The following BICDL1 variants were observed in gnomAD, a reference collection of about 807,000 sequenced individuals.
The protein encoded by BICDL1 is BICD family like cargo adaptor 1, also known as BICD family-like cargo adapter 1.
Under a neutral mutation model 76.8 loss-of-function variants are expected in BICDL1, and 20 were observed. The ratio of observed to expected loss-of-function variants is 0.26; its 90% CI spans 0.18 to 0.38. BICDL1 has a LOEUF of 0.38. Among genes scored for constraint, BICDL1 ranks in the 10% least tolerant of loss-of-function variants. The pLI is 1.00. For synonymous variants in BICDL1, 383 were observed against 337.1 expected, an observed-to-expected ratio of 1.14 and a Z score of -1.49; for missense variants, 700 against 798.6, an observed-to-expected ratio of 0.88 and a Z score of 1.49.
At chr12:120,001,976 G>A (rs1335060727) in intron 2 of BICDL1, among the ~76,000 whole-genome samples, 1 of 152,160 alleles carries the variant, frequency 6.6e-6, no homozygotes, top group Admixed American at 6.5e-5. Flanking sequence ...AAGCTGCAAT[G>A]AGCTATGATC....
Position 120,071,691 on chromosome 12 carries a change from G to A in BICDL1, c.979G>A (p.Glu327Lys), listed in dbSNP as rs753376022. ...SCRQLQVKVE[E>K]LTEERSLQSS... ...CCGACAGCTGCAGGTGAAGGTGGAA[G>A]AACTCACTGAGGAGAGGAGTCTGCA... The change falls in exon 5 of 10, where the codon GAA becomes AAA. Residue 327 changes from glutamate (E) to lysine (K), a missense_variant. Transcript: ENST00000548673. The surrounding 1 kb of genome is among the most constrained non-coding windows in gnomAD (Gnocchi z 4.8). The A allele has an allele frequency of 1.2e-6, 2 of 1,612,708 alleles. No individual in the cohort carries two copies. The highest frequency in any genetic ancestry group is 1.7e-6 in the Non-Finnish European group (2 of 1,179,812).
At chr12:120,035,106 T>C (rs1039577383) in intron 2 of BICDL1, among the ~76,000 whole-genome samples, 12 of 152,200 alleles carry the variant, frequency 7.9e-5, no homozygotes, top group Admixed American at 5.2e-4. Flanking sequence ...GAGGCCAAGG[T>C]GGGTGGGTCA....
intron 5 of BICDL1, among the ~76,000 whole-genome samples, chr12:120,072,148 TC>T (rs1749580717): frequency 6.6e-6 from 1 of 152,222 alleles, no homozygotes; most frequent in African/African-American, 2.4e-5. Context: ...GCAGTCATGA[TC>T]CATCTTCTCC....
chr12:119,994,055 A>C (rs895082749), intron 1 of BICDL1, among the ~76,000 whole-genome samples: 1 of 152,192 alleles, frequency 6.6e-6, no homozygotes, highest in African/African-American at 2.4e-5. Flanking sequence ...GTATTTATAC[A>C]CCTTTTTTCT....
intron 2 of BICDL1, among the ~76,000 whole-genome samples, chr12:120,059,397 TC>T (rs1953054305): frequency 6.6e-6 from 1 of 152,180 alleles, no homozygotes; most frequent in Non-Finnish European, 1.5e-5. Context: ...TGCCTCAGCC[TC>T]CCGAGTAGCT....
At chr12:120,037,493 C>G (rs1375946329) in intron 2 of BICDL1, among the ~76,000 whole-genome samples, 1 of 151,708 alleles carries the variant, frequency 6.6e-6, no homozygotes, top group Non-Finnish European at 1.5e-5. Flanking sequence ...ATCCTGGCAT[C>G]CCAGATAGAC....
At chr12:120,021,345 G>C (rs1952175019) in intron 2 of BICDL1, among the ~76,000 whole-genome samples, 1 of 151,810 alleles carries the variant, frequency 6.6e-6, no homozygotes, top group Admixed American at 6.6e-5. Context: ...CCAGCACTTT[G>C]GGAGGCCAAG....
chr12:120,081,349 CTTTTTTT>C (rs1184204926), intron 8 of BICDL1, among the ~76,000 whole-genome samples: 2 of 116,964 alleles, frequency 1.7e-5, no homozygotes, highest in Admixed American at 1.8e-4. Flanking sequence ...AAGAGCTTTC[CTTTTTTT>C]TTTTTTTTTT....
Position 120,087,990 on chromosome 12 carries a change from C to T in BICDL1, c.1584-1961C>T, listed in dbSNP as rs11065016. Among the ~76,000 whole-genome samples the T allele has an allele frequency of 9.7e-4, 147 of 152,176 alleles. 1 individual carries two copies. The East Asian group carries it at 0.017, about 18-fold the overall frequency. On this transcript the variant is annotated intron_variant, in intron 8 of 9. Coordinates refer to ENST00000548673, the MANE Select transcript of BICDL1 (RefSeq NM_001367886.1). ...TGTTGCCCAGGCTGGAGTGCAGTGGCGTGATCTTGGCTCACTGTAACCTCC... is the reference window on the plus strand; with the variant it reads ...TGTTGCCCAGGCTGGAGTGCAGTGGTGTGATCTTGGCTCACTGTAACCTCC...
chr12:120,006,722 G>C (rs964441507), intron 2 of BICDL1, among the ~76,000 whole-genome samples: 6 of 152,144 alleles, frequency 3.9e-5, no homozygotes, highest in African/African-American at 1.4e-4. Flanking sequence ...ACTGGGGTGT[G>C]GTTAGCTTGG....
At chr12:120,026,783 T>C (rs1212826985) in intron 2 of BICDL1, among the ~76,000 whole-genome samples, 1 of 152,192 alleles carries the variant, frequency 6.6e-6, no homozygotes, top group East Asian at 1.9e-4. Context: ...TTTTTTGCTC[T>C]CTTTACTGCC....
chr12:120,014,189 CAGAA>C (rs1952014470), intron 2 of BICDL1, among the ~76,000 whole-genome samples: 2 of 152,202 alleles, frequency 1.3e-5, no homozygotes, highest in South Asian at 4.1e-4. Context: ...ACCTAGCAGA[CAGAA>C]AGCTATTATT....
rs1331817488 is a variant in BICDL1 at position 119,989,432 on chromosome 12, C to A, written c.-437C>A. ...GTCGCGGCGACAGCGGAGCGCAGCC[C>A]GCCCCGTGAGGCGCTGCCCGGCCGG... On this transcript the variant is annotated 5_prime_UTR_variant, in exon 1 of 10. Transcript: ENST00000548673. 6.7e-6 allele frequency among the ~76,000 whole-genome samples: 1 copy of A among 148,470 alleles called. No individual in the cohort carries two copies. The highest frequency in any genetic ancestry group is 2.5e-5 in the African/African-American group (1 of 40,424).
chr12:119,998,398 T>C (rs185854368), intron 1 of BICDL1, 123 bp from the exon 2 acceptor site: 12 of 700,860 alleles, frequency 1.7e-5, no homozygotes, highest in South Asian at 9.9e-5. Flanking sequence ...ACTTGTCCTA[T>C]GTGGTAGGGT....
chr12:120,002,748 GAGA>G (rs1162911641), intron 2 of BICDL1, among the ~76,000 whole-genome samples: 2 of 152,172 alleles, frequency 1.3e-5, no homozygotes, highest in African/African-American at 4.8e-5. Flanking sequence ...AAGCTAGTAG[GAGA>G]AGATGTATAA....
At chr12:119,990,543 G>T (rs912899414) in intron 1 of BICDL1, among the ~76,000 whole-genome samples, 1 of 152,170 alleles carries the variant, frequency 6.6e-6, no homozygotes, top group African/African-American at 2.4e-5. Flanking sequence ...TTCTATATAC[G>T]TACTGTACCC....
At chr12:120,074,224 T>G (rs1262561410) in intron 6 of BICDL1, among the ~76,000 whole-genome samples, 1 of 150,428 alleles carries the variant, frequency 6.6e-6, no homozygotes. Context: ...ATCTCTCTTC[T>G]TGACCCCTTC....
intron 2 of BICDL1, among the ~76,000 whole-genome samples, chr12:119,999,201 C>T (rs1366035826): frequency 6.6e-6 from 1 of 151,808 alleles, no homozygotes; most frequent in Admixed American, 6.6e-5. Flanking sequence ...TTTGGTATTA[C>T]TGAACTAGGG....
chr12:120,035,751 C>T (rs1361568691), intron 2 of BICDL1, among the ~76,000 whole-genome samples: 3 of 152,196 alleles, frequency 2.0e-5, no homozygotes, highest in African/African-American at 7.2e-5. Flanking sequence ...GTAACCACCA[C>T]ACAGGTTAAG....
Sources: allele counts gnomAD v4.1 joint callset (sites outside exome capture counted in the v4.1 genomes callset), GRCh38; gene constraint gnomAD v4.1.1; non-coding constraint Gnocchi (gnomAD v3.1); transcripts MANE v1.5; gene names NCBI Gene and HGNC (gene_info 2026-07-23, HGNC 2026-07-21).